ZBTB20: variants seen among roughly 807,000 people sequenced by gnomAD.
The protein encoded by ZBTB20 is zinc finger and BTB domain containing 20, also known as zinc finger and BTB domain-containing protein 20.
Under a neutral mutation model 56.9 loss-of-function variants are expected in ZBTB20, and 9 were observed. The ratio of observed to expected loss-of-function variants is 0.16; its 90% confidence interval spans 0.10 to 0.28. The LOEUF (loss-of-function observed/expected upper bound fraction) is 0.28, where lower values mean the gene tolerates loss of function less well. Ranked by LOEUF, ZBTB20 falls within the 10% of genes least tolerant of loss-of-function variation. The probability of loss-of-function intolerance (pLI) is 1.00; values close to 1 mark genes in which losing one functional copy is unlikely to be tolerated. For synonymous variants in ZBTB20, 417 were observed against 420.7 expected (o/e 0.99, Z 0.11); for missense variants, 655 against 1,003.0 (o/e 0.65, Z 4.69).
At chr3:115,124,204 G>A (rs2084260343) in intron 1 of ZBTB20, among the ~76,000 whole-genome samples, 1 of 152,190 alleles carries the variant, frequency 6.6e-6, no homozygotes, top group Non-Finnish European at 1.5e-5. Flanking sequence ...AATAGTATAT[G>A]TTTTATGCTT....
intron 7 of ZBTB20, among the ~76,000 whole-genome samples, chr3:114,486,138 G>GTGTGTGT (rs1553726951): frequency 2.0e-4 from 5 of 25,292 alleles, no homozygotes; most frequent in East Asian, 1.8e-3. Flanking sequence ...GTGTGTGTGT[G>GTGTGTGT]GGGGGGGGGG....
chr3:114,805,626 T>C (rs985017641), intron 4 of ZBTB20, among the ~76,000 whole-genome samples: 2 of 151,332 alleles, frequency 1.3e-5, no homozygotes. Flanking sequence ...ATATAACTTA[T>C]ATAACATACA....
chr3:114,830,942 T>C (rs1241932626), intron 4 of ZBTB20, among the ~76,000 whole-genome samples: 1 of 151,932 alleles, frequency 6.6e-6, no homozygotes, highest in Non-Finnish European at 1.5e-5. Flanking sequence ...AGGTTGCCTA[T>C]TCTGGTCACT....
rs576374465 is a variant in ZBTB20 at position 114,973,820 on chromosome 3, T to C, written c.-456+546A>G. Among the ~76,000 whole-genome samples the C allele has an allele frequency of 6.1e-4, 93 of 152,274 alleles. 1 individual carries two copies. The highest frequency in any genetic ancestry group is 6.0e-3 in the Admixed American group (92 of 15,284). On this transcript the variant is annotated intron_variant, in intron 3 of 11. Coordinates refer to ENST00000675478, the MANE Select transcript of ZBTB20 (RefSeq NM_001348800.3). Reference sequence around the variant, plus strand: ...CCTCCTTCAATCCCTGTGAGCTCTTTATACACAATGCAGCCACACGAGTCT... The same window carrying C: ...CCTCCTTCAATCCCTGTGAGCTCTTCATACACAATGCAGCCACACGAGTCT...
chr3:114,539,068 A>G (rs1034799224), intron 6 of ZBTB20, among the ~76,000 whole-genome samples: 1 of 152,122 alleles, frequency 6.6e-6, no homozygotes, highest in African/African-American at 2.4e-5. Context: ...AAATTTTGAC[A>G]TTTGGAAAAG....
intron 10 of ZBTB20, among the ~76,000 whole-genome samples, chr3:114,370,157 T>C (rs976209072): frequency 2.0e-5 from 3 of 152,218 alleles, no homozygotes; most frequent in Non-Finnish European, 4.4e-5. Context: ...TCCTTCTCAC[T>C]TTGCCTATTT....
chr3:114,623,116 C>A (rs980293256), intron 6 of ZBTB20, among the ~76,000 whole-genome samples: 34 of 152,134 alleles, frequency 2.2e-4, no homozygotes, highest in African/African-American at 8.2e-4. Context: ...GATGAGAAAA[C>A]CCAGTAAGAT....
intron 5 of ZBTB20, among the ~76,000 whole-genome samples, chr3:114,776,229 C>G (rs1323308170): frequency 2.0e-5 from 3 of 150,108 alleles, no homozygotes; most frequent in Non-Finnish European, 4.4e-5. Context: ...TGTCCACGTT[C>G]TAACTCTTGG....
At chr3:114,566,233 C>T (rs2052729042) in intron 6 of ZBTB20, among the ~76,000 whole-genome samples, 1 of 152,088 alleles carries the variant, frequency 6.6e-6, no homozygotes, top group Admixed American at 6.6e-5. Context: ...GTAATTGAAA[C>T]ACGGAAGCTT....
intron 7 of ZBTB20, among the ~76,000 whole-genome samples, chr3:114,406,932 G>C (rs1486213922): frequency 1.3e-5 from 2 of 152,048 alleles, no homozygotes; most frequent in East Asian, 3.9e-4. Context: ...CTTAAACACA[G>C]TATGTTGATG....
intron 6 of ZBTB20, among the ~76,000 whole-genome samples, chr3:114,560,369 T>A (rs1332415269): frequency 6.6e-6 from 1 of 152,228 alleles, no homozygotes; most frequent in Non-Finnish European, 1.5e-5. Context: ...TTGCTTATTA[T>A]GTACCAGGTC....
At chr3:115,096,706 G>T (rs2083392578) in intron 1 of ZBTB20, among the ~76,000 whole-genome samples, 1 of 152,174 alleles carries the variant, frequency 6.6e-6, no homozygotes, top group African/African-American at 2.4e-5. Flanking sequence ...CTTCCTATGT[G>T]GCGGCATGAC....
At chr3:115,064,431 T>A (rs1408241633) in intron 2 of ZBTB20, among the ~76,000 whole-genome samples, 1 of 151,110 alleles carries the variant, frequency 6.6e-6, no homozygotes, top group Non-Finnish European at 1.5e-5. Flanking sequence ...AAAGTAATTT[T>A]CTCTCATAAT....
intron 2 of ZBTB20, among the ~76,000 whole-genome samples, chr3:115,033,378 T>A (rs1008338296): frequency 7.9e-5 from 12 of 151,548 alleles, no homozygotes; most frequent in African/African-American, 2.7e-4. Flanking sequence ...TTCAAAAATC[T>A]CCCAATAAAG....
chr3:114,370,317 T>A (rs2082862845), intron 10 of ZBTB20, among the ~76,000 whole-genome samples: 1 of 152,222 alleles, frequency 6.6e-6, no homozygotes, highest in Non-Finnish European at 1.5e-5. Flanking sequence ...AATAGTTGCT[T>A]TCCCATTTAT....
At chr3:114,927,644 A>C (rs2107788788) in intron 3 of ZBTB20, among the ~76,000 whole-genome samples, 1 of 152,354 alleles carries the variant, frequency 6.6e-6, no homozygotes, top group African/African-American at 2.4e-5. Context: ...AAGATTGAAG[A>C]ACTCTCTCAA....
intron 5 of ZBTB20, among the ~76,000 whole-genome samples, chr3:114,764,342 C>A (rs931879455): frequency 2.0e-5 from 3 of 151,584 alleles, no homozygotes; most frequent in African/African-American, 7.3e-5. Flanking sequence ...TGGCAGAAGT[C>A]ACTCCAAAGA....
chr3:114,660,885 TG>T (rs1261116018), intron 6 of ZBTB20, among the ~76,000 whole-genome samples: 1 of 151,922 alleles, frequency 6.6e-6, no homozygotes, highest in Admixed American at 6.6e-5. Flanking sequence ...GGCGGGTGGA[TG>T]GGGGGTGGAG....
intron 6 of ZBTB20, among the ~76,000 whole-genome samples, chr3:114,576,562 T>C (rs1341342638): frequency 1.6e-5 from 1 of 64,462 alleles, no homozygotes; most frequent in Non-Finnish European, 3.2e-5. Context: ...ATACCTGATA[T>C]AAGGTGTTAT....
Sources: gnomAD v4.1 joint callset for allele counts (sites outside exome capture counted in the v4.1 genomes callset) on GRCh38, gnomAD v4.1.1 for gene constraint, MANE v1.5 for transcripts, NCBI Gene and HGNC (gene_info 2026-07-23, HGNC 2026-07-21) for gene names.